Variants in COL12A1 observed in about 807,000 individuals in gnomAD.
The protein encoded by COL12A1 is collagen alpha-1(XII) chain.
Under a neutral mutation model 349.7 loss-of-function variants are expected in COL12A1, and 114 were observed. The ratio of observed to expected loss-of-function variants is 0.33; its 90% CI spans 0.28 to 0.38. The LOEUF (loss-of-function observed/expected upper bound fraction) is 0.38. COL12A1 is among the 10% of genes least tolerant of loss of function. The pLI, the probability that COL12A1 is intolerant of heterozygous loss-of-function variation, is 1.00. For missense variants in COL12A1, 3,284 were observed against 3,756.9 expected (o/e 0.87, Z 3.29); for synonymous variants, 1,369 against 1,329.0 (o/e 1.03, Z -0.66).
intron 10 of COL12A1, among the ~76,000 whole-genome samples, chr6:75,182,462 T>C (rs2149464493): frequency 6.6e-6 from 1 of 152,014 alleles, no homozygotes; most frequent in Middle Eastern, 3.4e-3. Context: ...ACATGCAGTG[T>C]TTGGTTTTCT....
intron 22 of COL12A1, 79 bp downstream of exon 22, chr6:75,148,279 A>G: frequency 1.4e-6 from 2 of 1,418,822 alleles, no homozygotes; most frequent in African/African-American, 2.9e-5. Context: ...CCCCTCACCT[A>G]ACATTATTCT....
chr6:75,157,521 G>A (rs989616459), intron 14 of COL12A1, among the ~76,000 whole-genome samples: 3 of 151,972 alleles, frequency 2.0e-5, no homozygotes, highest in Non-Finnish European at 2.9e-5. Context: ...ATCCCTAAGA[G>A]AGATAAGGAA....
rs79507867 is a variant in COL12A1 at position 75,179,851 on chromosome 6, G to T, written c.2164+1088C>A. On this transcript the variant is annotated intron_variant, in intron 11 of 65. Coordinates refer to ENST00000322507, the MANE Select transcript of COL12A1 (RefSeq NM_004370.6). ...CCTTAAATGTCAAACATAACAAAGT[G>T]TGTCCAAATATATTCAATTCTATCC... Among the ~76,000 whole-genome samples, 141 of 152,322 alleles carry T rather than the reference G, an allele frequency of 9.3e-4. 1 individual carries two copies. In the East Asian group the frequency reaches 0.026, roughly 29 times the overall value.
At chr6:75,105,092 T>C in intron 54 of COL12A1, 114 bp downstream of exon 54, 1 of 784,794 alleles carries the variant, frequency 1.3e-6, no homozygotes, top group Non-Finnish European at 2.0e-6. Flanking sequence ...TAGCTTGCTC[T>C]ATCCTAGAAA....
chr6:75,197,316 T>TTCC (rs35996441), intron 2 of COL12A1, among the ~76,000 whole-genome samples: 8 of 6,916 alleles, frequency 1.2e-3, no homozygotes, highest in Admixed American at 8.8e-3. Context: ...TTCTTTTCTT[T>TTCC]TTTTTTTTTT....
chr6:75,106,372 T>C, intron 53 of COL12A1, 47 bp downstream of exon 53: 2 of 1,493,332 alleles, frequency 1.3e-6, no homozygotes, highest in East Asian at 4.5e-5. Flanking sequence ...GGTTTATTAC[T>C]GGGGGACTGT....
chr6:75,174,328 G>A (rs943107608), intron 13 of COL12A1, among the ~76,000 whole-genome samples: 1 of 152,024 alleles, frequency 6.6e-6, no homozygotes, highest in Non-Finnish European at 1.5e-5. Flanking sequence ...TGGCCGAGGC[G>A]GGCGGATCAC....
chr6:75,135,201 T>C (rs1766528903), intron 31 of COL12A1, among the ~76,000 whole-genome samples: 1 of 152,186 alleles, frequency 6.6e-6, no homozygotes, highest in African/African-American at 2.4e-5. Context: ...AAAGGGACTT[T>C]AAGATATGAA....
chr6:75,173,490 C>T (rs1206881448), intron 13 of COL12A1, among the ~76,000 whole-genome samples: 1 of 152,048 alleles, frequency 6.6e-6, no homozygotes. Flanking sequence ...GATTCTCCTG[C>T]CTCAGCTTCC....
rs190243821 is a variant in COL12A1, at chr6:75,134,614, A to G, written c.5524+112T>C. The G allele has an allele frequency of 1.2e-3, 1,133 of 963,346 alleles. 1 individual carries two copies. Among genetic ancestry groups the G allele is most frequent in the Non-Finnish European group, 1.5e-3 (1,083 of 712,700 alleles). 59.7% of individuals were successfully genotyped at this position (963,346 alleles called of 1,614,324 possible). A position where few individuals can be genotyped will look rare whatever the true frequency, so the allele number is the denominator to read the frequency against. On this transcript the variant is annotated intron_variant, in intron 32 of 65. Coordinates refer to ENST00000322507, the MANE Select transcript of COL12A1 (RefSeq NM_004370.6). Reference sequence around the variant, plus strand: ...AAACTATTAATATTATTTCTAAATGAATTTTTAAATATTAGTAAAACTTTG... The same window carrying G: ...AAACTATTAATATTATTTCTAAATGGATTTTTAAATATTAGTAAAACTTTG...
intron 1 of COL12A1, among the ~76,000 whole-genome samples, chr6:75,205,305 C>T (rs902521699): frequency 1.3e-5 from 2 of 151,206 alleles, no homozygotes; most frequent in East Asian, 3.9e-4. Context: ...ACCCGTGCAG[C>T]CTCGACGAGC....
At position 75,151,749 on chromosome 6, in the gene COL12A1, T is replaced by G. The variant is rs1014126655; in HGVS notation, c.4000+118A>C. 7 of 1,101,056 alleles carry G rather than the reference T, an allele frequency of 6.4e-6. No homozygotes were observed. In the African/African-American group the frequency reaches 1.1e-4, roughly 17 times the overall value. The allele number at this position is 1,101,056 out of a possible 1,614,324, so 68.2% of individuals were successfully genotyped here. ...TTCCTGGAACATTATTTTGATAAATTATGTGATAGAAAAAAATGGGTATTT... is the reference window on the plus strand; with the variant it reads ...TTCCTGGAACATTATTTTGATAAATGATGTGATAGAAAAAAATGGGTATTT... On this transcript the variant is annotated intron_variant, in intron 20 of 65. Coordinates refer to ENST00000322507, the MANE Select transcript of COL12A1 (RefSeq NM_004370.6).
Position 75,189,376 on chromosome 6 carries a change from C to A in COL12A1, c.664G>T (p.Ala222Ser), listed in dbSNP as rs746906001. The A allele has an allele frequency of 1.2e-6, 2 of 1,612,218 alleles. No homozygotes were observed. The highest frequency in any genetic ancestry group is 2.7e-5 in the African/African-American group (2 of 74,842). Residue 222 changes from alanine to serine, a missense_variant, in exon 7 of 66, where the codon GCC (alanine) becomes TCC (serine). Transcript: ENST00000322507. ...YKGGNTMTGDAIDYLVKNTFT... is the reference protein window; with the variant it reads ...YKGGNTMTGDSIDYLVKNTFT... ...GTATTTTTAACTAAATAATCAATGG[C>A]ATCCCCTAAAGGGAAAAGAAACATG...
chr6:75,175,120 C>G lies in COL12A1; in HGVS notation c.2628G>C (p.Gly876=), dbSNP rs1165152749. 1 of 1,614,042 alleles carries G rather than the reference C, an allele frequency of 6.2e-7. No homozygotes were observed. Among genetic ancestry groups the G allele is most frequent in the Non-Finnish European group, 8.5e-7 (1 of 1,180,032 alleles). Residue 876 remains glycine (G), a synonymous_variant, in exon 13 of 66, where the codon GGG becomes GGC. Transcript: ENST00000322507. ...CTGTCACAGATAAGGCGTATTGTGT[C>G]CCTTCCTTCAATCCCTGCAGCACCG... is the stretch of plus-strand genomic sequence containing the variant. ...TNTVLQGLKE[G]TQYALSVTAL...
intron 2 of COL12A1, among the ~76,000 whole-genome samples, chr6:75,200,237 T>C (rs1562330535): frequency 6.6e-6 from 1 of 152,184 alleles, no homozygotes; most frequent in Non-Finnish European, 1.5e-5. Context: ...AGCTGTGCTG[T>C]CCGACACGGA....
At chr6:75,127,656 A>G (rs1375017310) in intron 38 of COL12A1, among the ~76,000 whole-genome samples, 1 of 152,102 alleles carries the variant, frequency 6.6e-6, no homozygotes, top group Admixed American at 6.6e-5. Context: ...ACATAGTTAC[A>G]TCAGTATCTC....
intron 54 of COL12A1, 21 bp downstream of exon 54, chr6:75,105,185 G>T: frequency 6.3e-7 from 1 of 1,590,830 alleles, no homozygotes; most frequent in Non-Finnish European, 8.6e-7. Flanking sequence ...AAAACCAGAG[G>T]ATCTATTTCA....
At position 75,155,726 on chromosome 6, in the gene COL12A1, C is replaced by A. The variant is rs1203640334; in HGVS notation, c.3379G>T (p.Asp1127Tyr). 6.2e-7 allele frequency: 1 copy of A among 1,612,984 alleles called. No homozygotes were observed. Among genetic ancestry groups the A allele is most frequent in the East Asian group, 2.2e-5 (1 of 44,844 alleles). Residue 1127 changes from aspartate to tyrosine, a missense_variant, in exon 16 of 66, where the codon GAC (aspartate) becomes TAC (tyrosine). Around this residue, in one of 2 missense-constraint regions of COL12A1, gnomAD observed 2,601 missense variants for 2,824.8 expected, o/e 0.92. Transcript: ENST00000322507. ...ACCACTAACTCCCCCAGTCTTCTGT[C>A]ATCCCCCGTAGGGTGGAATGTGACT... ...YKVTFHPTGD[D>Y]RRLGELVVGP...
intron 14 of COL12A1, among the ~76,000 whole-genome samples, chr6:75,165,298 T>C (rs944842096): frequency 1.3e-5 from 2 of 152,092 alleles, no homozygotes; most frequent in Non-Finnish European, 2.9e-5. Flanking sequence ...TATAGGTAGT[T>C]GAAAGAGATT....
Sources: allele counts gnomAD v4.1 joint callset (sites outside exome capture counted in the v4.1 genomes callset), GRCh38; gene constraint gnomAD v4.1.1; regional missense constraint gnomAD v4.1.1; transcripts MANE v1.5; gene names NCBI Gene and HGNC (gene_info 2026-07-23, HGNC 2026-07-21).